Variants in HIKESHI observed in about 807,000 individuals in gnomAD.
HIKESHI encodes the protein heat shock protein nuclear import factor hikeshi.
Under a neutral mutation model 25.7 loss-of-function variants are expected in HIKESHI, and 13 were observed. The ratio of observed to expected loss-of-function variants is 0.51; its 90% CI spans 0.33 to 0.80. HIKESHI has a LOEUF of 0.80. HIKESHI is among the 30% of genes least tolerant of loss of function. HIKESHI has a pLI of 0.02. For synonymous variants in HIKESHI, 76 were observed against 78.7 expected (o/e 0.97, Z 0.18); for missense variants, 174 against 229.5 (o/e 0.76, Z 1.56).
chr11:86,323,478 T>C lies in HIKESHI; in HGVS notation c.269-13901T>C, dbSNP rs111732673. 6.8e-3 allele frequency among the ~76,000 whole-genome samples: 1,042 copies of C among 152,258 alleles called. 12 individuals carry two copies. The highest frequency in any genetic ancestry group is 0.024 in the African/African-American group (988 of 41,536). ...GTACATTGCATTGATTAAGGTGAAG[T>C]TGGTCACCAGCCACTAGACCAGGAC... On this transcript the variant is annotated intron_variant, in intron 2 of 4. Transcript: ENST00000278483.
chr11:86,343,076 T>A (rs1460809736), intron 3 of HIKESHI, among the ~76,000 whole-genome samples: 1 of 152,238 alleles, frequency 6.6e-6, no homozygotes, highest in Non-Finnish European at 1.5e-5. Context: ...GTTATGTCTT[T>A]CCATTGAACA....
intron 2 of HIKESHI, among the ~76,000 whole-genome samples, chr11:86,319,217 A>AATATATATATATATATATAT (rs139667221): frequency 8.7e-6 from 1 of 115,068 alleles, no homozygotes; most frequent in African/African-American, 3.5e-5. Context: ...CTGGCTTAAA[A>AATATATATATATATATATAT]ATATATATAT....
intron 2 of HIKESHI, chr11:86,326,689 T>G: frequency 3.1e-5 from 11 of 351,404 alleles, no homozygotes; most frequent in South Asian, 2.2e-4. Flanking sequence ...AAGATTTGGA[T>G]GGGATGGAAG....
At chr11:86,308,406 C>G (rs1946739383) in intron 2 of HIKESHI, among the ~76,000 whole-genome samples, 2 of 143,414 alleles carry the variant, frequency 1.4e-5, no homozygotes, top group South Asian at 4.2e-4. Context: ...CACACACATA[C>G]ACGTGCTAAG....
At chr11:86,319,875 C>T (rs1045269707) in intron 2 of HIKESHI, among the ~76,000 whole-genome samples, 5 of 152,008 alleles carry the variant, frequency 3.3e-5, no homozygotes, top group Non-Finnish European at 4.4e-5. Flanking sequence ...TTGTGTGAAA[C>T]TTAGCAGCCA....
intron 2 of HIKESHI, 139 bp from the exon 3 acceptor site, chr11:86,337,240 A>G (rs1386910085): frequency 1.3e-6 from 1 of 753,336 alleles, no homozygotes; most frequent in Non-Finnish European, 2.1e-6. Context: ...AGGCTTTTGC[A>G]TTTATCTGAA....
intron 2 of HIKESHI, among the ~76,000 whole-genome samples, chr11:86,314,693 A>G (rs1366950055): frequency 1.3e-5 from 2 of 152,208 alleles, no homozygotes; most frequent in East Asian, 1.9e-4. Flanking sequence ...TTTAGAATTG[A>G]TGATAAATAC....
intron 2 of HIKESHI, among the ~76,000 whole-genome samples, chr11:86,336,398 G>A (rs1280093815): frequency 6.6e-6 from 1 of 152,182 alleles, no homozygotes; most frequent in Non-Finnish European, 1.5e-5. Flanking sequence ...GGGAGGTAGG[G>A]ACTTGGATGG....
rs1272595044 is a variant in HIKESHI, at chr11:86,302,465, T to G, written c.17T>G (p.Val6Gly). The G allele has an allele frequency of 1.9e-6, 3 of 1,557,932 alleles. No individual in the cohort carries two copies. In the African/African-American group the frequency reaches 4.1e-5, roughly 21 times the overall value. ...GCCGTCGCCATGTTTGGCTGCTTGGTGGCGGGGAGGCTGGTGAGGATGGGA... is the reference window on the plus strand; with the variant it reads ...GCCGTCGCCATGTTTGGCTGCTTGGGGGCGGGGAGGCTGGTGAGGATGGGA... MFGCL[V>G]AGRLVQTAAQ... Residue 6 changes from valine to glycine, a missense_variant, in exon 1 of 5, where the codon GTG becomes GGG. Physicochemically the swap from Val to Gly is moderately radical, Grantham distance 109 (BLOSUM62 -3). Transcript: ENST00000278483.
chr11:86,303,048 A>G (rs774810202), intron 1 of HIKESHI, among the ~76,000 whole-genome samples: 1 of 152,346 alleles, frequency 6.6e-6, no homozygotes, highest in South Asian at 2.1e-4. Flanking sequence ...TGTGAGCCGT[A>G]TCTGAGATAA....
At chr11:86,327,319 T>C (rs1947307855) in intron 2 of HIKESHI, among the ~76,000 whole-genome samples, 2 of 152,036 alleles carry the variant, frequency 1.3e-5, no homozygotes, top group Admixed American at 1.3e-4. Context: ...TTTTCCTTTT[T>C]TTTTTTCTTT....
rs532193736 is a variant in HIKESHI at position 86,339,958 on chromosome 11, T to A, written c.420+2428T>A. On this transcript the variant is annotated intron_variant, in intron 3 of 4. Coordinates refer to ENST00000278483, the MANE Select transcript of HIKESHI (RefSeq NM_016401.4). ...ATGTTCCCTGCCCTGTATCCAGGTG[T>A]TCTCATTGTTCAATTCCCACCTATG... Among the ~76,000 whole-genome samples the A allele has an allele frequency of 6.5e-4, 97 of 149,792 alleles. 1 individual carries two copies. Among genetic ancestry groups the A allele is most frequent in the African/African-American group, 2.3e-3 (94 of 40,610 alleles).
chr11:86,306,666 T>G (rs911386890), intron 2 of HIKESHI, among the ~76,000 whole-genome samples, 184 bp downstream of exon 2: 39 of 152,016 alleles, frequency 2.6e-4, no homozygotes, highest in African/African-American at 8.9e-4. Context: ...CTTCCTGGGC[T>G]CCTCTTGTTG....
chr11:86,326,317 T>A (rs530635518), intron 2 of HIKESHI, among the ~76,000 whole-genome samples: 7 of 151,978 alleles, frequency 4.6e-5, no homozygotes, highest in Admixed American at 4.6e-4. Context: ...AATAAATAAA[T>A]AAAAAATAAA....
chr11:86,339,011 T>C (rs1947645723), intron 3 of HIKESHI, among the ~76,000 whole-genome samples: 1 of 152,200 alleles, frequency 6.6e-6, no homozygotes, highest in Non-Finnish European at 1.5e-5. Flanking sequence ...CAAATAGTTA[T>C]TATGTAACTA....
intron 2 of HIKESHI, among the ~76,000 whole-genome samples, chr11:86,323,309 C>CTTTTATAG (rs1452227100): frequency 6.6e-6 from 1 of 151,706 alleles, no homozygotes; most frequent in Admixed American, 6.6e-5. Flanking sequence ...TAAATAGATA[C>CTTTTATAG]TTTTATAGTT....
At chr11:86,336,045 A>G (rs1417961428) in intron 2 of HIKESHI, among the ~76,000 whole-genome samples, 1 of 152,260 alleles carries the variant, frequency 6.6e-6, no homozygotes, top group Non-Finnish European at 1.5e-5. Flanking sequence ...GAATATCAAT[A>G]TAGAAATTAT....
chr11:86,312,969 TTCTC>T (rs1409736172), intron 2 of HIKESHI, among the ~76,000 whole-genome samples: 1 of 152,336 alleles, frequency 6.6e-6, no homozygotes, highest in African/African-American at 2.4e-5. Flanking sequence ...AACCCGAGCT[TTCTC>T]TCTGGCTGCC....
intron 2 of HIKESHI, among the ~76,000 whole-genome samples, chr11:86,332,215 C>T (rs200014193): frequency 2.0e-5 from 3 of 152,248 alleles, no homozygotes; most frequent in East Asian, 1.9e-4. Flanking sequence ...CTGCCCGCCT[C>T]GGCCTCGCAA....
Sources: allele counts gnomAD v4.1 joint callset (sites outside exome capture counted in the v4.1 genomes callset), GRCh38; gene constraint gnomAD v4.1.1; transcripts MANE v1.5; gene names NCBI Gene and HGNC (gene_info 2026-07-23, HGNC 2026-07-21).